The following BCAS3 variants were observed in gnomAD, a reference collection of about 807,000 sequenced individuals.
BCAS3 encodes the protein BCAS4/BCAS3 fusion.
In BCAS3, 53 loss-of-function variants were observed where a neutral mutation model predicts 116.1. The observed-to-expected ratio is 0.46, with a 90% CI of 0.37 to 0.57. The LOEUF (loss-of-function observed/expected upper bound fraction) is 0.57, where lower values mean the gene tolerates loss of function less well. BCAS3 is among the 20% of genes least tolerant of loss of function. The pLI is 0.00. For synonymous variants in BCAS3, 391 were observed against 408.2 expected, an observed-to-expected ratio of 0.96 and a Z score of 0.51; for missense variants, 917 against 1,165.4, an observed-to-expected ratio of 0.79 and a Z score of 3.10.
At chr17:61,172,565 A>T (rs1568502620) in intron 22 of BCAS3, among the ~76,000 whole-genome samples, 1 of 152,238 alleles carries the variant, frequency 6.6e-6, no homozygotes, top group Non-Finnish European at 1.5e-5. Flanking sequence ...TGAACCCAGG[A>T]GGCAGAGCTT....
intron 15 of BCAS3, 51 bp from the exon 16 acceptor site, chr17:61,015,700 G>C (rs1329606111): frequency 6.3e-7 from 1 of 1,583,162 alleles, no homozygotes; most frequent in Non-Finnish European, 8.7e-7. Context: ...TAGAGAACGG[G>C]AGATAGAGAA....
At chr17:61,099,835 G>T (rs1431118389) in intron 22 of BCAS3, among the ~76,000 whole-genome samples, 5 of 152,170 alleles carry the variant, frequency 3.3e-5, no homozygotes, top group Non-Finnish European at 7.4e-5. Context: ...ATTTTGGGCT[G>T]CCTTTGAAGC....
rs576530118 is a variant in BCAS3, at chr17:60,914,349, T to C, written c.993+3647T>C. Among the ~76,000 whole-genome samples, 6 of 152,316 alleles carry C rather than the reference T, an allele frequency of 3.9e-5. 1 individual carries two copies. The South Asian group carries it at 1.2e-3, about 32-fold the overall frequency. Reference sequence around the variant, plus strand: ...ATTTGTGAAGTCCATAAAGAGAACATTCAAAGAATCTTACGTAGTGGTAAG... The same window carrying C: ...ATTTGTGAAGTCCATAAAGAGAACACTCAAAGAATCTTACGTAGTGGTAAG... On this transcript the variant is annotated intron_variant, in intron 12 of 23. Transcript: ENST00000407086.
Position 61,388,612 on chromosome 17 carries a change from CAAAAGGGAAAA to C in BCAS3, c.2594-3360_2594-3350del, listed in dbSNP as rs748477752. 2.9e-4 allele frequency: 439 copies of C among 1,529,604 alleles called. 1 individual carries two copies. Among genetic ancestry groups the C allele is most frequent in the Non-Finnish European group, 1.8e-5 (21 of 1,145,150 alleles). 94.8% of individuals were successfully genotyped at this position (1,529,604 alleles called of 1,614,324 possible). A position where few individuals can be genotyped will look rare whatever the true frequency, so the allele number is the denominator to read the frequency against. ...AAAGATTCCTCAATGCTTTTCTTTTCAAAAGGGAAAAAAAAAGGAAAAAAAAAACAATGCCA... is the reference window on the plus strand; with the variant it reads ...AAAGATTCCTCAATGCTTTTCTTTTCAAAAAGGAAAAAAAAAACAATGCCA... On this transcript the variant is annotated intron_variant, in intron 23 of 23. Transcript: ENST00000407086. The surrounding 1 kb of genome is among the most constrained non-coding windows in gnomAD (Gnocchi z 6.5).
intron 19 of BCAS3, among the ~76,000 whole-genome samples, chr17:61,071,807 GA>G (rs887593838): frequency 6.6e-6 from 1 of 151,998 alleles, no homozygotes; most frequent in Non-Finnish European, 1.5e-5. Flanking sequence ...AATTTATTGT[GA>G]AAAAAATATG....
intron 7 of BCAS3, among the ~76,000 whole-genome samples, chr17:60,837,758 A>G (rs1442665334): frequency 6.7e-6 from 1 of 149,672 alleles, no homozygotes; most frequent in African/African-American, 2.5e-5. Context: ...GGTTCAGGTG[A>G]TTCTCCTGCC....
At chr17:61,330,924 T>C (rs748321640) in intron 22 of BCAS3, among the ~76,000 whole-genome samples, 4 of 152,248 alleles carry the variant, frequency 2.6e-5, no homozygotes, top group Non-Finnish European at 5.9e-5. Context: ...GTGTGACAGT[T>C]CTGCCATCTC....
intron 7 of BCAS3, among the ~76,000 whole-genome samples, chr17:60,857,152 T>G (rs1451634580): frequency 1.3e-5 from 2 of 152,202 alleles, no homozygotes; most frequent in Non-Finnish European, 2.9e-5. Flanking sequence ...CTATTTACAT[T>G]TATCATGAAT....
intron 22 of BCAS3, among the ~76,000 whole-genome samples, chr17:61,306,801 A>G (rs2053893985): frequency 6.6e-6 from 1 of 152,242 alleles, no homozygotes; most frequent in African/African-American, 2.4e-5. Flanking sequence ...CTCAAAAGAA[A>G]AAAAAACAAA....
At chr17:60,925,528 A>C (rs1292131965) in intron 13 of BCAS3, among the ~76,000 whole-genome samples, 1 of 152,176 alleles carries the variant, frequency 6.6e-6, no homozygotes, top group Non-Finnish European at 1.5e-5. Flanking sequence ...ATTATTTCTG[A>C]AGCAACTTTT....
Position 61,368,426 on chromosome 17 carries a change from G to A in BCAS3, c.2525G>A (p.Gly842Asp), listed in dbSNP as rs1448234723. 6.2e-7 allele frequency: 1 copy of A among 1,612,720 alleles called. No individual in the cohort carries two copies. The highest frequency in any genetic ancestry group is 1.7e-5 in the Admixed American group (1 of 60,010). Reference protein sequence around the residue: ...HMSSMEHTEEGLRERLADAMA... With the variant: ...HMSSMEHTEEDLRERLADAMA... ...TCCTCCATGGAGCACACGGAGGAGG[G>A]CCTCCGGGAGCGACTTGCCGACGCC... Residue 842 changes from glycine (G) to aspartate (D), a missense_variant, in exon 23 of 24, where the codon GGC (glycine) becomes GAC (aspartate). This residue lies in a region of BCAS3 where 109 missense variants were observed against 122.8 expected (regional missense o/e 0.89). Transcript: ENST00000407086. This position sits in a 1 kb window ranked among gnomAD's most constrained non-coding sequence, Gnocchi z 6.0.
rs970671088 is a variant in BCAS3 at position 61,227,116 on chromosome 17, G to A, written c.2426-141211G>A. Among the ~76,000 whole-genome samples the A allele has an allele frequency of 6.6e-6, 1 of 152,164 alleles. No individual in the cohort carries two copies. Among genetic ancestry groups the A allele is most frequent in the African/African-American group, 2.4e-5 (1 of 41,430 alleles). On this transcript the variant is annotated intron_variant, in intron 22 of 23. Coordinates refer to ENST00000407086, the MANE Select transcript of BCAS3 (RefSeq NM_017679.5). This position sits in a 1 kb window ranked among gnomAD's most constrained non-coding sequence, Gnocchi z 6.1. Reference sequence around the variant, plus strand: ...TACTCCATAGTTAAGCTGATGTTACGCGGTTAGCCAGAATGAACTGATTTT... The same window carrying A: ...TACTCCATAGTTAAGCTGATGTTACACGGTTAGCCAGAATGAACTGATTTT...
rs891125867 is a variant in BCAS3 at position 60,994,314 on chromosome 17, A to G, written c.1486+4079A>G. Among the ~76,000 whole-genome samples the G allele has an allele frequency of 6.6e-6, 1 of 152,048 alleles. No homozygotes were observed. Among genetic ancestry groups the G allele is most frequent in the African/African-American group, 2.4e-5 (1 of 41,420 alleles). On this transcript the variant is annotated intron_variant, in intron 15 of 23. Coordinates refer to ENST00000407086, the MANE Select transcript of BCAS3 (RefSeq NM_017679.5). This position sits in a 1 kb window ranked among gnomAD's most constrained non-coding sequence, Gnocchi z 4.4. The stretch of plus-strand genomic sequence containing the variant: ...ATTACTATAACACTTTATTTTTAAT[A>G]TATTGATAACTGTACTTCAGTATAG...
chr17:60,932,057 A>G (rs1454206138), intron 13 of BCAS3, among the ~76,000 whole-genome samples: 3 of 152,150 alleles, frequency 2.0e-5, no homozygotes, highest in Non-Finnish European at 2.9e-5. Context: ...TGGGTGACAG[A>G]GCAAGACCCT....
At chr17:61,341,923 C>A (rs1157251702) in intron 22 of BCAS3, among the ~76,000 whole-genome samples, 1 of 152,254 alleles carries the variant, frequency 6.6e-6, no homozygotes. Context: ...GAGGCCACAA[C>A]TTTCTAGATA....
chr17:61,352,195 C>T lies in BCAS3; in HGVS notation c.2426-16132C>T, dbSNP rs1030376854. Among the ~76,000 whole-genome samples the T allele has an allele frequency of 4.2e-5, 6 of 141,426 alleles. 1 individual carries two copies. The Admixed American group carries it at 4.6e-4, about 11-fold the overall frequency. The allele number at this position is 141,426 out of a possible 152,430, so 92.8% of individuals were successfully genotyped here. A position where few individuals can be genotyped will look rare whatever the true frequency, so the allele number is the denominator to read the frequency against. ...AGATGACAGGTCCATGTCCAGCTGA[C>T]GTAGTAACAAGAGGTCTCTGGGCCC... On this transcript the variant is annotated intron_variant, in intron 22 of 23. Transcript: ENST00000407086. The surrounding 1 kb of genome is among the most constrained non-coding windows in gnomAD (Gnocchi z 4.7).
Position 61,124,741 on chromosome 17 carries a change from C to T in BCAS3, c.2425+40177C>T, listed in dbSNP as rs1172033156. Reference sequence around the variant, plus strand: ...TTACTCAGCATTATGGGTCTGCCTGCCAAGTGATCCCAGGTGTGGGATTGC... The same window carrying T: ...TTACTCAGCATTATGGGTCTGCCTGTCAAGTGATCCCAGGTGTGGGATTGC... On this transcript the variant is annotated intron_variant, in intron 22 of 23. Coordinates refer to ENST00000407086, the MANE Select transcript of BCAS3 (RefSeq NM_017679.5). The surrounding 1 kb of genome is among the most constrained non-coding windows in gnomAD (Gnocchi z 4.6). 1.3e-5 allele frequency among the ~76,000 whole-genome samples: 2 copies of T among 152,140 alleles called. No individual in the cohort carries two copies. The highest frequency in any genetic ancestry group is 2.4e-5 in the African/African-American group (1 of 41,432).
In BCAS3 at chr17:61,339,833, G is replaced by A. The variant is rs974241564; in HGVS notation, c.2426-28494G>A. Among the ~76,000 whole-genome samples, 13 of 151,854 alleles carry A rather than the reference G, an allele frequency of 8.6e-5. No individual in the cohort carries two copies. The highest frequency in any genetic ancestry group is 1.2e-4 in the Non-Finnish European group (8 of 67,978). On this transcript the variant is annotated intron_variant, in intron 22 of 23. Coordinates refer to ENST00000407086, the MANE Select transcript of BCAS3 (RefSeq NM_017679.5). This position sits in a 1 kb window ranked among gnomAD's most constrained non-coding sequence, Gnocchi z 4.4. The stretch of plus-strand genomic sequence containing the variant: ...TAAAAGAGACTGCAAAGTAGCGGCC[G>A]GAAAGATGGGAGGAAAACCAGGTGA...
chr17:60,880,709 C>G (rs1174294762), intron 9 of BCAS3, among the ~76,000 whole-genome samples: 1 of 152,172 alleles, frequency 6.6e-6, no homozygotes, highest in Admixed American at 6.5e-5. Flanking sequence ...CATATGTTCT[C>G]TTGGGTATGA....
Sources: allele counts gnomAD v4.1 joint callset (sites outside exome capture counted in the v4.1 genomes callset), GRCh38; gene constraint gnomAD v4.1.1; regional missense constraint gnomAD v4.1.1; non-coding constraint Gnocchi (gnomAD v3.1); transcripts MANE v1.5; gene names NCBI Gene and HGNC (gene_info 2026-07-23, HGNC 2026-07-21).